The following ACAP2 variants were observed in gnomAD, a reference collection of about 807,000 sequenced individuals.
ACAP2 encodes arf-GAP with coiled-coil, ANK repeat and PH domain-containing protein 2.
ACAP2 carries 39 observed loss-of-function variants against 115.8 expected under a neutral mutation model. The ratio of observed to expected loss-of-function variants is 0.34; its 90% CI spans 0.26 to 0.44. The LOEUF (loss-of-function observed/expected upper bound fraction) is 0.44. ACAP2 is among the 20% of genes least tolerant of loss of function. The pLI, the probability that ACAP2 is intolerant of heterozygous loss-of-function variation, is 1.00. For synonymous variants in ACAP2, 289 were observed against 315.8 expected (o/e 0.92, Z 0.90); for missense variants, 662 against 927.6 (o/e 0.71, Z 3.72).
At chr3:195,351,878 C>A (rs879891494) in intron 4 of ACAP2, among the ~76,000 whole-genome samples, 1 of 152,126 alleles carries the variant, frequency 6.6e-6, no homozygotes, top group Admixed American at 6.5e-5. Flanking sequence ...CAAATTAAAA[C>A]CATAAACAAT....
At chr3:195,424,242 GTGGTGTGTGTGTGTGTGTGTATATA>G (rs1225384644) in intron 1 of ACAP2, among the ~76,000 whole-genome samples, 8 of 102,858 alleles carry the variant, frequency 7.8e-5, no homozygotes, top group African/African-American at 3.2e-4. Flanking sequence ...GTGTGTGTGT[GTGGTGTGTGTGTGTGTGTGTATATA>G]TATATATATA....
intron 8 of ACAP2, among the ~76,000 whole-genome samples, chr3:195,330,516 C>T (rs1216083480): frequency 6.6e-6 from 1 of 152,134 alleles, no homozygotes; most frequent in East Asian, 1.9e-4. Flanking sequence ...TTACACTGAA[C>T]ATAAGATGAG....
intron 1 of ACAP2, among the ~76,000 whole-genome samples, chr3:195,406,776 C>CT (rs1429488517): frequency 2.0e-5 from 3 of 152,150 alleles, no homozygotes; most frequent in African/African-American, 7.2e-5. Flanking sequence ...CTGCTGACAG[C>CT]TTTGACAGTT....
intron 9 of ACAP2, 178 bp downstream of exon 9, chr3:195,326,707 A>G (rs1038950190): frequency 3.7e-6 from 2 of 534,576 alleles, no homozygotes; most frequent in African/African-American, 3.8e-5. Flanking sequence ...AAAAATAACA[A>G]AATACATACC....
chr3:195,360,866 T>A (rs535184837), intron 4 of ACAP2, among the ~76,000 whole-genome samples: 111 of 150,608 alleles, frequency 7.4e-4, no homozygotes, highest in Non-Finnish European at 1.1e-3. Context: ...ACAGGCCTAA[T>A]GAATATTTAA....
At chr3:195,354,678 A>G (rs1397497805) in intron 4 of ACAP2, among the ~76,000 whole-genome samples, 1 of 152,134 alleles carries the variant, frequency 6.6e-6, no homozygotes, top group African/African-American at 2.4e-5. Context: ...CTTTAATTAG[A>G]TCCCATTTGT....
chr3:195,281,188 G>C (rs1726479738), intron 22 of ACAP2, among the ~76,000 whole-genome samples: 1 of 152,118 alleles, frequency 6.6e-6, no homozygotes, highest in Non-Finnish European at 1.5e-5. Context: ...GGCGGATCAC[G>C]AGGTCAGGAG....
intron 15 of ACAP2, among the ~76,000 whole-genome samples, chr3:195,298,542 G>A (rs1164959392): frequency 6.6e-6 from 1 of 152,188 alleles, no homozygotes; most frequent in East Asian, 1.9e-4. Context: ...ACAGGCATGA[G>A]CTACCACACC....
intron 4 of ACAP2, among the ~76,000 whole-genome samples, chr3:195,368,263 C>CCT (rs1269285947): frequency 6.6e-6 from 1 of 152,154 alleles, no homozygotes; most frequent in Non-Finnish European, 1.5e-5. Context: ...GATTCTTCTG[C>CCT]CTCAGCCTCC....
intron 22 of ACAP2, among the ~76,000 whole-genome samples, chr3:195,283,906 A>G (rs1253152900): frequency 1.3e-5 from 2 of 152,018 alleles, no homozygotes; most frequent in Non-Finnish European, 2.9e-5. Context: ...TCAAGTTTTC[A>G]TTAAATTAAA....
Position 195,333,034 on chromosome 3 carries a change from A to C in ACAP2, c.663T>G (p.Gly221=). 1 of 1,600,166 alleles carries C rather than the reference A, an allele frequency of 6.2e-7. No homozygotes were observed. Reference sequence around the variant, plus strand: ...AAATATACTGCAACATTACCTGTGCACCAAGATCCTTCATGTAGGGTCCAA... The same window carrying C: ...AAATATACTGCAACATTACCTGTGCCCCAAGATCCTTCATGTAGGGTCCAA... The part of the protein sequence containing the change: ...SELGPYMKDL[G]AQLDRLVVDA... Residue 221 remains glycine (G), a synonymous_variant, in exon 8 of 23, where the codon GGT becomes GGG. Transcript: ENST00000326793.
chr3:195,318,823 C>A (rs960338725), intron 10 of ACAP2, among the ~76,000 whole-genome samples: 3 of 152,138 alleles, frequency 2.0e-5, no homozygotes, highest in Middle Eastern at 6.3e-3. Flanking sequence ...GAAATTCAAG[C>A]CAGCTGCAAA....
intron 21 of ACAP2, among the ~76,000 whole-genome samples, chr3:195,287,883 C>A (rs1345804222): frequency 6.6e-6 from 1 of 152,066 alleles, no homozygotes; most frequent in Non-Finnish European, 1.5e-5. Flanking sequence ...GCAGGTGGAT[C>A]ACCTGAGGTC....
intron 10 of ACAP2, among the ~76,000 whole-genome samples, chr3:195,312,169 T>C (rs1577280904): frequency 1.3e-5 from 2 of 152,092 alleles, no homozygotes; most frequent in South Asian, 4.1e-4. Context: ...CTTCTAAATC[T>C]GTAGAAACGT....
chr3:195,415,022 G>A (rs762170040), intron 1 of ACAP2, among the ~76,000 whole-genome samples: 1 of 152,098 alleles, frequency 6.6e-6, no homozygotes, highest in Non-Finnish European at 1.5e-5. Flanking sequence ...TTAAGGCAGC[G>A]AAACTAACTG....
At chr3:195,356,902 GCTGCGGTGGCTACGAGGAAAGACTCCTT>G (rs1304742312) in intron 4 of ACAP2, among the ~76,000 whole-genome samples, 1 of 151,852 alleles carries the variant, frequency 6.6e-6, no homozygotes, top group African/African-American at 2.4e-5. Context: ...CATATTCACA[GCTGCGGTGGCTACGAGGAAAGACTCCTT>G]CTGCTTGAGA....
chr3:195,425,498 G>C (rs995767427), intron 1 of ACAP2, among the ~76,000 whole-genome samples: 7 of 152,078 alleles, frequency 4.6e-5, no homozygotes, highest in Non-Finnish European at 8.8e-5. Context: ...CAAGAACAAA[G>C]GAATAAAAAG....
At chr3:195,424,309 TTTTG>T (rs1177066818) in intron 1 of ACAP2, among the ~76,000 whole-genome samples, 256 of 94,172 alleles carry the variant, frequency 2.7e-3, no homozygotes, top group Non-Finnish European at 4.0e-3. Context: ...TTTTTTTTTT[TTTTG>T]AAACAGAGTC....
intron 7 of ACAP2, among the ~76,000 whole-genome samples, chr3:195,335,003 A>G (rs758516490): frequency 2.0e-5 from 3 of 152,192 alleles, no homozygotes; most frequent in Non-Finnish European, 4.4e-5. Context: ...AAACTTTATC[A>G]GGGCTCACCA....
Sources: gnomAD v4.1 joint callset for allele counts (sites outside exome capture counted in the v4.1 genomes callset) on GRCh38, gnomAD v4.1.1 for gene constraint, MANE v1.5 for transcripts, NCBI Gene and HGNC (gene_info 2026-07-23, HGNC 2026-07-21) for gene names.